The following EVA1C variants were observed in gnomAD, a reference collection of about 807,000 sequenced individuals.
EVA1C encodes eva-1 homolog C, also known as protein eva-1 homolog C.
EVA1C carries 25 observed loss-of-function variants against 45.4 expected under a neutral mutation model. That is an observed-to-expected ratio of 0.55 (90% CI 0.40 to 0.77). The LOEUF is 0.77. Among genes scored for constraint, EVA1C ranks in the 30% least tolerant of loss-of-function variants. The pLI is 0.00. For synonymous variants in EVA1C, 190 were observed against 221.2 expected, an observed-to-expected ratio of 0.86 and a Z score of 1.25; for missense variants, 479 against 554.8, an observed-to-expected ratio of 0.86 and a Z score of 1.37.
At chr21:32,427,565 T>C (rs527634342) in intron 1 of EVA1C, among the ~76,000 whole-genome samples, 4 of 152,078 alleles carry the variant, frequency 2.6e-5, no homozygotes, top group African/African-American at 7.2e-5. Context: ...ATACAAAAAT[T>C]AGCTGGGCGT....
intron 1 of EVA1C, among the ~76,000 whole-genome samples, chr21:32,423,583 G>A (rs2034373865): frequency 6.6e-6 from 1 of 152,012 alleles, no homozygotes; most frequent in East Asian, 1.9e-4. Flanking sequence ...GTGTTTGGAA[G>A]TATGTTCACA....
intron 4 of EVA1C, among the ~76,000 whole-genome samples, chr21:32,493,179 C>G (rs2037223722): frequency 6.6e-6 from 1 of 152,180 alleles, no homozygotes. Flanking sequence ...TGCAAAGTCT[C>G]TAAAATTCTC....
At chr21:32,415,769 G>A (rs2034013084) in intron 1 of EVA1C, among the ~76,000 whole-genome samples, 1 of 152,182 alleles carries the variant, frequency 6.6e-6, no homozygotes, top group South Asian at 2.1e-4. Flanking sequence ...GATGTCGCCA[G>A]CGGCCACTGG....
Position 32,459,671 on chromosome 21 carries a change from G to A in EVA1C, c.481+1951G>A, listed in dbSNP as rs559720507. Among the ~76,000 whole-genome samples, 14 of 151,972 alleles carry A rather than the reference G, an allele frequency of 9.2e-5. No individual in the cohort carries two copies. In the South Asian group the frequency reaches 2.3e-3, roughly 25 times the overall value. On this transcript the variant is annotated intron_variant, in intron 3 of 7. Transcript: ENST00000300255. ...AGCCTGACCAACATGGAGAAACCCC[G>A]TCTCTACTAAAAATATGAAATTAGC... is the stretch of plus-strand genomic sequence containing the variant.
At chr21:32,497,280 G>T in intron 5 of EVA1C, 1 of 718,310 alleles carries the variant, frequency 1.4e-6, no homozygotes, top group Non-Finnish European at 2.5e-6. Context: ...TTAGATCAAA[G>T]AAAACAAATC....
intron 1 of EVA1C, among the ~76,000 whole-genome samples, chr21:32,451,359 G>A (rs2035572972): frequency 6.6e-6 from 1 of 152,072 alleles, no homozygotes; most frequent in South Asian, 2.1e-4. Flanking sequence ...CTGTGACCTC[G>A]TGAGGTGTGA....
chr21:32,506,256 G>T (rs1050808083), intron 7 of EVA1C, among the ~76,000 whole-genome samples: 53 of 146,946 alleles, frequency 3.6e-4, no homozygotes, highest in African/African-American at 1.2e-3. Context: ...TATCTAGGAT[G>T]CGGTGCTGGT....
At chr21:32,475,606 CA>C (rs1037360602) in intron 4 of EVA1C, among the ~76,000 whole-genome samples, 35 of 150,712 alleles carry the variant, frequency 2.3e-4, no homozygotes, top group African/African-American at 7.3e-4. Flanking sequence ...TCCACGTGGC[CA>C]AAAAAAATCC....
intron 1 of EVA1C, among the ~76,000 whole-genome samples, chr21:32,420,959 G>C (rs1486934618): frequency 1.3e-5 from 2 of 152,118 alleles, no homozygotes; most frequent in South Asian, 2.1e-4. Flanking sequence ...TCATTTCCTA[G>C]AGCCAAATCT....
intron 6 of EVA1C, among the ~76,000 whole-genome samples, chr21:32,503,204 C>G (rs897452628): frequency 2.6e-5 from 4 of 152,212 alleles, no homozygotes; most frequent in Non-Finnish European, 5.9e-5. Flanking sequence ...GTAATGGAGG[C>G]TTGTTTTATC....
chr21:32,462,679 G>C (rs1016110957), intron 3 of EVA1C, among the ~76,000 whole-genome samples: 3 of 152,152 alleles, frequency 2.0e-5, no homozygotes, highest in Non-Finnish European at 2.9e-5. Flanking sequence ...CTGGAATGAG[G>C]GCAAGGAACA....
chr21:32,487,719 CA>C (rs61448371), intron 4 of EVA1C, among the ~76,000 whole-genome samples: 22,335 of 119,382 alleles, frequency 0.19, 1,942 homozygotes, highest in Admixed American at 0.27. Context: ...GACTCCATCT[CA>C]AAAAAAAAAA....
chr21:32,450,195 TGGA>T (rs891738964), intron 1 of EVA1C, among the ~76,000 whole-genome samples: 1 of 152,194 alleles, frequency 6.6e-6, no homozygotes, highest in African/African-American at 2.4e-5. Context: ...GTAAATGGTC[TGGA>T]GGAGGTCAAG....
intron 4 of EVA1C, among the ~76,000 whole-genome samples, chr21:32,480,060 A>G (rs764581053): frequency 6.6e-6 from 1 of 152,096 alleles, no homozygotes; most frequent in Non-Finnish European, 1.5e-5. Flanking sequence ...AATAATTCCT[A>G]TGGAAATATC....
Position 32,507,818 on chromosome 21 carries a change from A to G in EVA1C, c.949+3803A>G, listed in dbSNP as rs527570328. Among the ~76,000 whole-genome samples, 29 of 139,998 alleles carry G rather than the reference A, an allele frequency of 2.1e-4. 1 individual carries two copies. The South Asian group carries it at 6.2e-3, about 30-fold the overall frequency. 91.8% of individuals were successfully genotyped at this position (139,998 alleles called of 152,430 possible). On this transcript the variant is annotated intron_variant, in intron 7 of 7. Transcript: ENST00000300255. ...TGTGTATCTCTGTGTGCATGTATGT[A>G]TGTGTGTTGCATGTGTGTGCATGTG...
chr21:32,445,860 A>G (rs1387308732), intron 1 of EVA1C, among the ~76,000 whole-genome samples: 1 of 152,196 alleles, frequency 6.6e-6, no homozygotes, highest in Non-Finnish European at 1.5e-5. Flanking sequence ...TTCTGCTGAT[A>G]CACAGTGGGA....
Position 32,453,379 on chromosome 21 carries a change from G to T in EVA1C, c.228G>T (p.Gln76His). The T allele has an allele frequency of 6.2e-7, 1 of 1,611,462 alleles. No individual in the cohort carries two copies. The highest frequency in any genetic ancestry group is 8.5e-7 in the Non-Finnish European group (1 of 1,179,404). ...YACDGDYLNL[Q>H]CPRHSTISVQ... is the part of the protein sequence containing the mutation. ...GTGATGGGGACTATTTGAATCTACA[G>T]TGCCCTCGGCATTCTACGATAAGTG... Residue 76 changes from glutamine (Q) to histidine (H), a missense_variant, in exon 2 of 8, where the codon CAG becomes CAT. Around this residue, in one of 3 missense-constraint regions of EVA1C, gnomAD observed 33 missense variants for 64.9 expected, o/e 0.51. Transcript: ENST00000300255.
chr21:32,445,503 C>T (rs904874027), intron 1 of EVA1C, among the ~76,000 whole-genome samples: 1 of 152,180 alleles, frequency 6.6e-6, no homozygotes, highest in Non-Finnish European at 1.5e-5. Flanking sequence ...TTTGTGCGAC[C>T]CAGTTCCCAG....
chr21:32,430,011 G>T (rs1361957664), intron 1 of EVA1C, among the ~76,000 whole-genome samples: 3 of 152,158 alleles, frequency 2.0e-5, no homozygotes, highest in Non-Finnish European at 4.4e-5. Flanking sequence ...GTAGCCATGT[G>T]TGGCCTGAGG....
Sources: gnomAD v4.1 joint callset for allele counts (sites outside exome capture counted in the v4.1 genomes callset) on GRCh38, gnomAD v4.1.1 for gene constraint, gnomAD v4.1.1 regional missense constraint, MANE v1.5 for transcripts, NCBI Gene and HGNC (gene_info 2026-07-23, HGNC 2026-07-21) for gene names.